CSMD1: variants seen among roughly 807,000 people sequenced by gnomAD.
CSMD1 encodes CUB and sushi domain-containing protein 1.
A neutral mutation model predicts 417.5 loss-of-function variants in CSMD1; 213 were observed. That is an observed-to-expected ratio of 0.51 (90% CI 0.46 to 0.57). CSMD1 has a LOEUF of 0.57. Ranked by LOEUF, CSMD1 falls within the 20% of genes least tolerant of loss-of-function variation. The pLI is 0.00. For missense variants in CSMD1, 6,923 were observed against 4,529.7 expected (o/e 1.53, Z -15.17); for synonymous variants, 2,862 against 1,736.8 (o/e 1.65, Z -16.11).
intron 10 of CSMD1, among the ~76,000 whole-genome samples, chr8:3,532,698 C>T (rs1269964522): frequency 6.6e-6 from 1 of 152,058 alleles, no homozygotes; most frequent in African/African-American, 2.4e-5. Context: ...CATCCTTATT[C>T]CAAACAATTT....
chr8:3,979,745 C>A (rs1315039817), intron 5 of CSMD1, among the ~76,000 whole-genome samples: 1 of 152,204 alleles, frequency 6.6e-6, no homozygotes, highest in Non-Finnish European at 1.5e-5. Context: ...AACTTCTAGC[C>A]TCAGAACTGT....
chr8:3,428,149 T>A (rs1203079385), intron 12 of CSMD1, among the ~76,000 whole-genome samples: 2 of 152,222 alleles, frequency 1.3e-5, no homozygotes, highest in Admixed American at 1.3e-4. Flanking sequence ...ATATAGGTTT[T>A]AGAAGTTCTA....
At chr8:3,490,038 A>G (rs1326615917) in intron 11 of CSMD1, among the ~76,000 whole-genome samples, 1 of 152,226 alleles carries the variant, frequency 6.6e-6, no homozygotes, top group African/African-American at 2.4e-5. Context: ...ATGTTTGCAT[A>G]TAAGTACTCA....
intron 2 of CSMD1, among the ~76,000 whole-genome samples, chr8:4,444,961 C>T (rs1283985598): frequency 6.6e-6 from 1 of 152,194 alleles, no homozygotes; most frequent in African/African-American, 2.4e-5. Flanking sequence ...GAAATCTCCA[C>T]TGTGTTAAAG....
intron 1 of CSMD1, among the ~76,000 whole-genome samples, chr8:4,882,667 C>T (rs2116963288): frequency 6.6e-6 from 1 of 152,076 alleles, no homozygotes; most frequent in Admixed American, 6.5e-5. Context: ...GTAGACTCTT[C>T]AAATTATTCC....
intron 3 of CSMD1, among the ~76,000 whole-genome samples, chr8:4,138,563 C>A (rs1032923146): frequency 2.0e-5 from 3 of 152,076 alleles, no homozygotes; most frequent in African/African-American, 7.2e-5. Flanking sequence ...AGAAAGAATC[C>A]CCTGGATCAG....
intron 7 of CSMD1, among the ~76,000 whole-genome samples, chr8:3,635,657 T>G (rs1797001940): frequency 6.6e-6 from 1 of 151,304 alleles, no homozygotes; most frequent in Non-Finnish European, 1.5e-5. Context: ...CTATTTTTTG[T>G]ATTTTTTAGT....
intron 2 of CSMD1, among the ~76,000 whole-genome samples, chr8:4,460,031 T>C (rs543981933): frequency 1.3e-5 from 2 of 152,098 alleles, no homozygotes; most frequent in South Asian, 2.1e-4. Flanking sequence ...TGAACAGACA[T>C]CTACAGAACA....
intron 3 of CSMD1, among the ~76,000 whole-genome samples, chr8:4,212,304 C>T (rs369650931): frequency 6.6e-6 from 1 of 151,844 alleles, no homozygotes; most frequent in Non-Finnish European, 1.5e-5. Flanking sequence ...AAACTAGATA[C>T]CTACCACCCA....
Position 4,042,510 on chromosome 8 carries a change from C to A in CSMD1, c.416-10411G>T, listed in dbSNP as rs895498493. ...AGTTCAGACATGTGAAAACTGAAAG[C>A]CCGTCACTAGCAGGCCCATACCACA... On this transcript the variant is annotated intron_variant, in intron 3 of 69. Transcript: ENST00000635120. 3.3e-5 allele frequency among the ~76,000 whole-genome samples: 5 copies of A among 151,958 alleles called. No individual in the cohort carries two copies. In the East Asian group the frequency reaches 5.8e-4, roughly 18 times the overall value.
chr8:3,520,496 G>A (rs2117446727), intron 10 of CSMD1, among the ~76,000 whole-genome samples: 1 of 152,202 alleles, frequency 6.6e-6, no homozygotes, highest in Non-Finnish European at 1.5e-5. Context: ...AAAATAAAAT[G>A]TTTATTATCT....
chr8:4,677,230 C>T (rs184374418), intron 1 of CSMD1, among the ~76,000 whole-genome samples: 1 of 150,870 alleles, frequency 6.6e-6, no homozygotes, highest in African/African-American at 2.4e-5. Context: ...AGAAATAATG[C>T]TCAGGGAATT....
At chr8:4,523,460 A>G (rs1261023284) in intron 2 of CSMD1, among the ~76,000 whole-genome samples, 1 of 152,188 alleles carries the variant, frequency 6.6e-6, no homozygotes, top group East Asian at 1.9e-4. Flanking sequence ...AATAAAGTAA[A>G]TATTGAAACA....
At chr8:3,000,865 C>A (rs1022795014) in intron 52 of CSMD1, among the ~76,000 whole-genome samples, 3 of 152,182 alleles carry the variant, frequency 2.0e-5, no homozygotes, top group Non-Finnish European at 4.4e-5. Context: ...TAAGGGGAGA[C>A]AGAATGTCCA....
intron 7 of CSMD1, among the ~76,000 whole-genome samples, chr8:3,637,138 T>C (rs113492102): frequency 2.0e-5 from 3 of 152,246 alleles, no homozygotes; most frequent in East Asian, 3.9e-4. Flanking sequence ...ATCCCGTTTG[T>C]GCTATTCTGT....
intron 3 of CSMD1, among the ~76,000 whole-genome samples, chr8:4,188,500 A>T (rs1798815209): frequency 6.6e-6 from 1 of 152,152 alleles, no homozygotes; most frequent in Non-Finnish European, 1.5e-5. Flanking sequence ...AAACCTGGTC[A>T]CAAAAGATGA....
At chr8:4,867,658 G>C (rs1479013127) in intron 1 of CSMD1, among the ~76,000 whole-genome samples, 1 of 152,042 alleles carries the variant, frequency 6.6e-6, no homozygotes, top group Non-Finnish European at 1.5e-5. Flanking sequence ...GAAATAGAAT[G>C]ATGGTGCTGA....
At chr8:4,099,562 G>C (rs1263224012) in intron 3 of CSMD1, among the ~76,000 whole-genome samples, 1 of 151,754 alleles carries the variant, frequency 6.6e-6, no homozygotes, top group Non-Finnish European at 1.5e-5. Context: ...TACTGTTTAA[G>C]GCATGGCATA....
Position 3,082,174 on chromosome 8 carries a change from A to G in CSMD1, c.7474+4923T>C, listed in dbSNP as rs79864489. 1.6e-3 allele frequency among the ~76,000 whole-genome samples: 248 copies of G among 152,304 alleles called. 6 individuals are homozygous for G. In the East Asian group the frequency reaches 0.042, roughly 26 times the overall value. Reference sequence around the variant, plus strand: ...AAGTCTTCATATCCCTCAAACACACATTGCTATAACCCACTAAGAATTCGT... The same window carrying G: ...AAGTCTTCATATCCCTCAAACACACGTTGCTATAACCCACTAAGAATTCGT... On this transcript the variant is annotated intron_variant, in intron 49 of 69. Coordinates refer to ENST00000635120, the MANE Select transcript of CSMD1 (RefSeq NM_033225.6).
Sources: gnomAD v4.1 joint callset for allele counts (sites outside exome capture counted in the v4.1 genomes callset) on GRCh38, gnomAD v4.1.1 for gene constraint, MANE v1.5 for transcripts, NCBI Gene and HGNC (gene_info 2026-07-23, HGNC 2026-07-21) for gene names.